The following SGMS1 variants were observed in gnomAD, a reference collection of about 807,000 sequenced individuals.
SGMS1 encodes the protein phosphatidylcholine:ceramide cholinephosphotransferase 1.
Under a neutral mutation model 46.2 loss-of-function variants are expected in SGMS1, and 13 were observed. The ratio of observed to expected loss-of-function variants is 0.28; its 90% CI spans 0.18 to 0.45. The LOEUF (loss-of-function observed/expected upper bound fraction) is 0.45. SGMS1 is among the 20% of genes least tolerant of loss of function. The pLI, the probability that SGMS1 is intolerant of heterozygous loss-of-function variation, is 1.00. For missense variants in SGMS1, 324 were observed against 519.9 expected, an observed-to-expected ratio of 0.62 and a Z score of 3.66; for synonymous variants, 203 against 187.8, an observed-to-expected ratio of 1.08 and a Z score of -0.66.
intron 8 of SGMS1, among the ~76,000 whole-genome samples, chr10:50,324,803 A>T (rs1483758141): frequency 6.6e-6 from 1 of 152,228 alleles, no homozygotes; most frequent in Non-Finnish European, 1.5e-5. Context: ...AAATGGATAA[A>T]TCCAGAAAGT....
At chr10:50,388,637 A>G (rs1564898614) in intron 6 of SGMS1, among the ~76,000 whole-genome samples, 1 of 152,038 alleles carries the variant, frequency 6.6e-6, no homozygotes, top group African/African-American at 2.4e-5. Context: ...AAAAACAAAA[A>G]CAGAAGTCCA....
intron 2 of SGMS1, among the ~76,000 whole-genome samples, chr10:50,522,163 A>AT (rs912133437): frequency 7.9e-5 from 12 of 151,984 alleles, no homozygotes; most frequent in Admixed American, 5.9e-4. Flanking sequence ...ATGAAGTCCT[A>AT]TTTTTTCAGT....
At chr10:50,624,827 C>T (rs1483452061), upstream of SGMS1, 7 of 986,666 alleles carry the variant, frequency 7.1e-6, no homozygotes, top group African/African-American at 1.7e-5. Flanking sequence ...CGCGCCGCAC[C>T]TCGGTGGCCT....
chr10:50,328,795 C>T (rs1052294965), intron 7 of SGMS1, among the ~76,000 whole-genome samples: 1 of 152,104 alleles, frequency 6.6e-6, no homozygotes, highest in Non-Finnish European at 1.5e-5. Flanking sequence ...CCTCTAATTT[C>T]AAGTAAAATA....
At chr10:50,510,795 G>A (rs547184557) in intron 3 of SGMS1, among the ~76,000 whole-genome samples, 9 of 151,882 alleles carry the variant, frequency 5.9e-5, no homozygotes, top group African/African-American at 1.5e-4. Flanking sequence ...TACAGCCCAC[G>A]TTCAGATTTC....
chr10:50,397,780 A>T (rs1196190890), intron 6 of SGMS1, among the ~76,000 whole-genome samples: 2 of 152,250 alleles, frequency 1.3e-5, no homozygotes, highest in Non-Finnish European at 2.9e-5. Context: ...TATTGAAGAT[A>T]AATCTGTTAT....
chr10:50,315,239 A>G (rs2688886), intron 8 of SGMS1, among the ~76,000 whole-genome samples: 12,519 of 152,274 alleles, frequency 0.082, 1,221 homozygotes, highest in East Asian at 0.33. Flanking sequence ...TGGTATAATT[A>G]TAACTGTTTT....
At chr10:50,529,511 C>A (rs545137738) in intron 2 of SGMS1, among the ~76,000 whole-genome samples, 2 of 152,134 alleles carry the variant, frequency 1.3e-5, no homozygotes, top group Non-Finnish European at 2.9e-5. Flanking sequence ...TATTAAACTG[C>A]TCTTTGAAAC....
intron 7 of SGMS1, chr10:50,327,963 T>C (rs574569663): frequency 8.0e-4 from 228 of 283,988 alleles, no homozygotes; most frequent in African/African-American, 5.2e-3. Context: ...ACATTAGAAA[T>C]GATGTCTGAA....
At position 50,306,194 on chromosome 10, in the gene SGMS1, T is replaced by C. The variant is rs1847180512; in HGVS notation, c.*948A>G. 6.6e-6 allele frequency: 1 copy of C among 152,622 alleles called. No homozygotes were observed. The highest frequency in any genetic ancestry group is 2.4e-5 in the African/African-American group (1 of 41,474). The allele number at this position is 152,622 out of a possible 1,614,324, so 9.5% of individuals were successfully genotyped here. ...ATGTCATTGCTACCTGATCACAATA[T>C]GTGAACAGGCTCTGACTCTAATTAA... is the stretch of plus-strand genomic sequence containing the variant. On this transcript the variant is annotated 3_prime_UTR_variant, in exon 11 of 11. Transcript: ENST00000361781.
At chr10:50,318,329 C>T (rs1847382062) in intron 8 of SGMS1, among the ~76,000 whole-genome samples, 1 of 152,160 alleles carries the variant, frequency 6.6e-6, no homozygotes, top group Admixed American at 6.5e-5. Context: ...ACCATTTTAC[C>T]ATCCTAGCCT....
At chr10:50,573,767 C>A (rs1170037676) in intron 2 of SGMS1, among the ~76,000 whole-genome samples, 1 of 152,034 alleles carries the variant, frequency 6.6e-6, no homozygotes, top group African/African-American at 2.4e-5. Flanking sequence ...TTCCTGATCT[C>A]AAAATATATT....
At position 50,476,097 on chromosome 10, in the gene SGMS1, C is replaced by CAAAAAAA. The variant is rs58641986; in HGVS notation, c.-497-9172_-497-9166dup. Among the ~76,000 whole-genome samples, 29 of 43,324 alleles carry CAAAAAAA rather than the reference C, an allele frequency of 6.7e-4. 2 individuals carry two copies. The highest frequency in any genetic ancestry group is 1.8e-3 in the Admixed American group (4 of 2,202). The allele number at this position is 43,324 out of a possible 152,430, so 28.4% of individuals were successfully genotyped here. A position where few individuals can be genotyped will look rare whatever the true frequency, so the allele number is the denominator to read the frequency against. Reference sequence around the variant, plus strand: ...TAAAATCTTGTCTTTACTAAAAATACAAAAAAAAAAAAAAAAAAAAAAAAA... The same window carrying CAAAAAAA: ...TAAAATCTTGTCTTTACTAAAAATACAAAAAAAAAAAAAAAAAAAAAAAAAAAAAAAA... On this transcript the variant is annotated intron_variant, in intron 3 of 10. Transcript: ENST00000361781.
At chr10:50,488,028 T>TATTGATTG (rs1458889963) in intron 3 of SGMS1, among the ~76,000 whole-genome samples, 3 of 137,332 alleles carry the variant, frequency 2.2e-5, no homozygotes, top group African/African-American at 7.8e-5. Context: ...TTTATTTATT[T>TATTGATTG]ATTGAGACTG....
intron 3 of SGMS1, among the ~76,000 whole-genome samples, chr10:50,477,379 T>C (rs943677933): frequency 6.6e-6 from 1 of 152,254 alleles, no homozygotes; most frequent in Non-Finnish European, 1.5e-5. Context: ...TGTACTCCCA[T>C]TGTATGTTGG....
At chr10:50,531,226 C>A (rs969081871) in intron 2 of SGMS1, among the ~76,000 whole-genome samples, 1 of 152,202 alleles carries the variant, frequency 6.6e-6, no homozygotes, top group Non-Finnish European at 1.5e-5. Flanking sequence ...ATCTTGCTAT[C>A]ACCCATGTGT....
At chr10:50,321,720 G>A (rs1159561401) in intron 8 of SGMS1, among the ~76,000 whole-genome samples, 1 of 152,216 alleles carries the variant, frequency 6.6e-6, no homozygotes, top group Non-Finnish European at 1.5e-5. Flanking sequence ...CTGAAATACT[G>A]ATAAGGTTAG....
At chr10:50,588,932 T>C (rs1373740780) in intron 2 of SGMS1, among the ~76,000 whole-genome samples, 1 of 152,092 alleles carries the variant, frequency 6.6e-6, no homozygotes, top group Non-Finnish European at 1.5e-5. Flanking sequence ...GGTTTCACTA[T>C]GTTGGCCAGG....
chr10:50,521,863 C>T (rs1306943264), intron 2 of SGMS1, among the ~76,000 whole-genome samples: 1 of 152,108 alleles, frequency 6.6e-6, no homozygotes, highest in Non-Finnish European at 1.5e-5. Context: ...TTTTGATCAC[C>T]CAGCCAAGGT....
Sources: gnomAD v4.1 joint callset for allele counts (sites outside exome capture counted in the v4.1 genomes callset) on GRCh38, gnomAD v4.1.1 for gene constraint, MANE v1.5 for transcripts, NCBI Gene and HGNC (gene_info 2026-07-23, HGNC 2026-07-21) for gene names.